The following CNTN4 variants were observed in gnomAD, a reference collection of about 807,000 sequenced individuals.
The protein encoded by CNTN4 is contactin-4.
CNTN4 carries 77 observed loss-of-function variants against 122.5 expected under a neutral mutation model. That is an observed-to-expected ratio of 0.63 (90% CI 0.52 to 0.76). The LOEUF is 0.76. Among genes scored for constraint, CNTN4 ranks in the 30% least tolerant of loss-of-function variants. The pLI is 0.00. For missense variants in CNTN4, 1,256 were observed against 1,259.1 expected, an observed-to-expected ratio of 1.00 and a Z score of 0.04; for synonymous variants, 512 against 447.0, an observed-to-expected ratio of 1.15 and a Z score of -1.83.
chr3:2,399,452 T>C (rs908300042), intron 3 of CNTN4, among the ~76,000 whole-genome samples: 1 of 152,138 alleles, frequency 6.6e-6, no homozygotes, highest in Non-Finnish European at 1.5e-5. Flanking sequence ...ATTCATTCAT[T>C]TGTGATTTCA....
chr3:2,778,029 A>G (rs1188621776), intron 6 of CNTN4, among the ~76,000 whole-genome samples: 1 of 151,484 alleles, frequency 6.6e-6, no homozygotes, highest in African/African-American at 2.4e-5. Flanking sequence ...CCTGGCTAAC[A>G]CGGTGAAACC....
chr3:2,151,769 C>T (rs2035504181), intron 2 of CNTN4, among the ~76,000 whole-genome samples: 1 of 152,172 alleles, frequency 6.6e-6, no homozygotes, highest in South Asian at 2.1e-4. Context: ...CAGACCTGAG[C>T]TAGGACACTC....
intron 14 of CNTN4, among the ~76,000 whole-genome samples, chr3:3,006,745 C>A (rs540769904): frequency 6.6e-6 from 1 of 152,234 alleles, no homozygotes; most frequent in East Asian, 1.9e-4. Context: ...TATACTAACT[C>A]CAGACGTTCT....
chr3:2,317,881 G>T (rs895294778), intron 2 of CNTN4, among the ~76,000 whole-genome samples: 1 of 152,164 alleles, frequency 6.6e-6, no homozygotes, highest in African/African-American at 2.4e-5. Context: ...GTTTGAAAGT[G>T]TTATCTTACT....
At chr3:2,220,601 G>C (rs924963646) in intron 2 of CNTN4, among the ~76,000 whole-genome samples, 2 of 152,030 alleles carry the variant, frequency 1.3e-5, no homozygotes, top group African/African-American at 4.8e-5. Context: ...TTTTACGTCT[G>C]TTTTAGCCTT....
At chr3:2,814,426 G>C (rs1190604998) in intron 6 of CNTN4, among the ~76,000 whole-genome samples, 1 of 152,096 alleles carries the variant, frequency 6.6e-6, no homozygotes, top group Non-Finnish European at 1.5e-5. Context: ...TCTTAATAGA[G>C]TTGTTTCTGT....
At chr3:2,369,085 G>T (rs1310168190) in intron 3 of CNTN4, among the ~76,000 whole-genome samples, 3 of 151,978 alleles carry the variant, frequency 2.0e-5, no homozygotes, top group African/African-American at 4.8e-5. Context: ...CACCATGCCC[G>T]GCTATTTTTT....
chr3:2,647,196 C>T (rs1251979656), intron 4 of CNTN4, among the ~76,000 whole-genome samples: 1 of 152,082 alleles, frequency 6.6e-6, no homozygotes, highest in South Asian at 2.1e-4. Flanking sequence ...GCCTGGCCAA[C>T]ATGGTGAGAC....
intron 7 of CNTN4, among the ~76,000 whole-genome samples, chr3:2,840,214 T>C (rs1414743854): frequency 6.6e-6 from 1 of 152,112 alleles, no homozygotes; most frequent in Non-Finnish European, 1.5e-5. Flanking sequence ...TGGCTGACAT[T>C]TCACCTTACC....
chr3:2,839,462 T>C (rs1156628368), intron 7 of CNTN4, among the ~76,000 whole-genome samples: 1 of 151,916 alleles, frequency 6.6e-6, no homozygotes, highest in Non-Finnish European at 1.5e-5. Flanking sequence ...GGTCGGATGC[T>C]GTTGGTGATT....
chr3:2,151,878 G>A (rs1043394808), intron 2 of CNTN4, among the ~76,000 whole-genome samples: 2 of 152,144 alleles, frequency 1.3e-5, no homozygotes, highest in African/African-American at 4.8e-5. Flanking sequence ...GGACTTCTCA[G>A]CCTTCATAAC....
At chr3:2,748,886 T>A (rs1214353631) in intron 6 of CNTN4, among the ~76,000 whole-genome samples, 1 of 152,252 alleles carries the variant, frequency 6.6e-6, no homozygotes, top group Non-Finnish European at 1.5e-5. Flanking sequence ...ATTACCATGG[T>A]CTCATTTTAA....
intron 3 of CNTN4, among the ~76,000 whole-genome samples, chr3:2,419,005 G>T (rs1502588): frequency 0.63 from 96,274 of 152,200 alleles, 30,977 homozygotes; most frequent in East Asian, 0.79. Flanking sequence ...AATCTTATGG[G>T]AAAAGTCAAA....
At chr3:2,624,372 A>G (rs2149964371) in intron 4 of CNTN4, among the ~76,000 whole-genome samples, 1 of 152,224 alleles carries the variant, frequency 6.6e-6, no homozygotes, top group Non-Finnish European at 1.5e-5. Context: ...CTTGAGAGAG[A>G]AAAATTTCTA....
In CNTN4 at chr3:2,689,328, A is replaced by G. The variant is rs140179285; in HGVS notation, c.56-46887A>G. On this transcript the variant is annotated intron_variant, in intron 4 of 24. Transcript: ENST00000418658. ...GCTGCTCTCAGCTATCTGCCACTAG[A>G]AAAAGAATCCTCACTGAAGTTATAA... Among the ~76,000 whole-genome samples, 651 of 152,250 alleles carry G rather than the reference A, an allele frequency of 4.3e-3. 6 individuals carry two copies. The highest frequency in any genetic ancestry group is 0.015 in the African/African-American group (610 of 41,554).
intron 3 of CNTN4, among the ~76,000 whole-genome samples, chr3:2,409,568 G>A (rs1035351869): frequency 1.3e-5 from 2 of 151,956 alleles, no homozygotes; most frequent in Non-Finnish European, 2.9e-5. Flanking sequence ...TTTCAATACT[G>A]CTATAGTGGT....
chr3:2,291,955 C>A (rs1183137245), intron 2 of CNTN4, among the ~76,000 whole-genome samples: 1 of 152,056 alleles, frequency 6.6e-6, no homozygotes, highest in Non-Finnish European at 1.5e-5. Flanking sequence ...AGGCTGGTCT[C>A]GAACTCCTGA....
At chr3:2,194,591 T>C (rs916776446) in intron 2 of CNTN4, among the ~76,000 whole-genome samples, 2 of 152,178 alleles carry the variant, frequency 1.3e-5, no homozygotes, top group African/African-American at 4.8e-5. Context: ...GAATATGACT[T>C]TATTTGTAAA....
intron 4 of CNTN4, among the ~76,000 whole-genome samples, chr3:2,584,273 T>C (rs2080077833): frequency 6.6e-6 from 1 of 152,002 alleles, no homozygotes; most frequent in African/African-American, 2.4e-5. Flanking sequence ...AAAGGAAAAT[T>C]GTGGGAGTAG....
Sources: allele counts gnomAD v4.1 joint callset (sites outside exome capture counted in the v4.1 genomes callset), GRCh38; gene constraint gnomAD v4.1.1; transcripts MANE v1.5; gene names NCBI Gene and HGNC (gene_info 2026-07-23, HGNC 2026-07-21).